The following NQO2 variants were observed in gnomAD, a reference collection of about 807,000 sequenced individuals.
NQO2 encodes N-ribosyldihydronicotinamide:quinone dehydrogenase 2.
In NQO2, 18 loss-of-function variants were observed where a neutral mutation model predicts 22.0. The ratio of observed to expected loss-of-function variants is 0.82; its 90% CI spans 0.56 to 1.21. The LOEUF (loss-of-function observed/expected upper bound fraction) is 1.21, where lower values mean the gene tolerates loss of function less well. Among genes scored for constraint, NQO2 ranks in the 50% most tolerant of loss-of-function variants. The pLI, the probability that NQO2 is intolerant of heterozygous loss-of-function variation, is 0.00. For missense variants in NQO2, 267 were observed against 286.9 expected (o/e 0.93, Z 0.50); for synonymous variants, 106 against 110.8 (o/e 0.96, Z 0.28).
chr6:3,017,026 GCACA>G, intron 6 of NQO2, 41 bp downstream of exon 6: 1 of 1,601,756 alleles, frequency 6.2e-7, no homozygotes, highest in South Asian at 1.1e-5. Context: ...GTTGGCACAC[GCACA>G]CACAGACACA....
rs1757299874 is a variant in NQO2 at position 3,015,625 on chromosome 6, C to T, written c.399C>T (p.Tyr133=). The change falls in exon 5 of 7, where the codon TAC becomes TAT. Residue 133 remains tyrosine (Y), a synonymous_variant. Transcript: ENST00000380455. The stretch of plus-strand genomic sequence containing the variant: ...TTGCCTTTGACATCCCAGGATTCTA[C>T]GATTCCGGTTTGCTCCAGGTATGTG... ...QGFAFDIPGF[Y]DSGLLQGKLA... is the part of the protein sequence containing the mutation. The T allele has an allele frequency of 1.9e-6, 3 of 1,614,114 alleles. No homozygotes were observed. Among genetic ancestry groups the T allele is most frequent in the Non-Finnish European group, 1.7e-6 (2 of 1,180,012 alleles).
In NQO2 at chr6:3,012,640, A is replaced by T. The variant is rs780529734; in HGVS notation, c.269A>T (p.Lys90Ile). 1 of 1,614,064 alleles carries T rather than the reference A, an allele frequency of 6.2e-7. No individual in the cohort carries two copies. The highest frequency in any genetic ancestry group is 1.1e-5 in the South Asian group (1 of 91,044). The change falls in exon 4 of 7, where the codon AAA (lysine) becomes ATA (isoleucine). Residue 90 changes from lysine to isoleucine, a missense_variant. Physicochemically the swap from Lys to Ile is moderately radical, Grantham distance 102 (BLOSUM62 -3). Coordinates refer to ENST00000380455, the MANE Select transcript of NQO2 (RefSeq NM_000904.6). ...SLASDITDEQKKVREADLVIF... is the reference protein window; with the variant it reads ...SLASDITDEQIKVREADLVIF... ...GCTAGCGACATCACTGATGAGCAGA[A>T]AAAGGTTCGGGAGGCTGACCTAGTG...
At chr6:3,010,513 T>C (rs56277039) in intron 3 of NQO2, among the ~76,000 whole-genome samples, 5,035 of 151,978 alleles carry the variant, frequency 0.033, 111 homozygotes, top group Middle Eastern at 0.082. Flanking sequence ...GGTTCTACAC[T>C]GGAAAAGAGA....
chr6:3,016,722 G>A (rs781302475), intron 5 of NQO2, 162 bp from the exon 6 acceptor site: 357 of 982,726 alleles, frequency 3.6e-4, no homozygotes, highest in Non-Finnish European at 4.2e-4. Flanking sequence ...CTCTTGGGAT[G>A]TCATTGTCAC....
In NQO2 at chr6:3,010,114, C is replaced by A; in HGVS notation, c.97C>A (p.Gln33Lys). 6.2e-7 allele frequency: 1 copy of A among 1,613,968 alleles called. No homozygotes were observed. Among genetic ancestry groups the A allele is most frequent in the Non-Finnish European group, 8.5e-7 (1 of 1,179,920 alleles). The part of the protein sequence containing the change: ...KNVAVDELSR[Q>K]GCTVTVSDLY... ...TGTGGCTGTAGATGAACTGAGCAGG[C>A]AGGGCTGCACCGTCACAGTGTCTGA... Residue 33 changes from glutamine to lysine, a missense_variant, in exon 3 of 7, where the codon CAG becomes AAG. Gln to Lys is a moderately conservative substitution (Grantham distance 53). Coordinates refer to ENST00000380455, the MANE Select transcript of NQO2 (RefSeq NM_000904.6).
At chr6:3,005,903 T>G in intron 1 of NQO2, 1 of 746,168 alleles carries the variant, frequency 1.3e-6, no homozygotes, top group Non-Finnish European at 1.6e-6. Context: ...AGCTGGAAAT[T>G]GCACCAAGTC....
Position 3,006,361 on chromosome 6 carries a change from T to C in NQO2, c.-85-107T>C. ...TGGCCTCTCTTGAGAGGTCTTTCTC[T>C]GATGTGTTTGCGTGTCTGTCAGGAA... is the stretch of plus-strand genomic sequence containing the variant. On this transcript the variant is annotated intron_variant, in intron 1 of 6. Transcript: ENST00000380455. The surrounding 1 kb of genome is among the most constrained non-coding windows in gnomAD (Gnocchi z 4.0). The C allele has an allele frequency of 7.1e-7, 1 of 1,413,088 alleles. No individual in the cohort carries two copies. The highest frequency in any genetic ancestry group is 9.2e-7 in the Non-Finnish European group (1 of 1,082,880). 87.5% of individuals were successfully genotyped at this position (1,413,088 alleles called of 1,614,324 possible).
In NQO2 at chr6:3,010,031, A is replaced by G; in HGVS notation, c.14A>G (p.Lys5Arg). ...GTTTCTTATCCTGATTTAGGTAAGA[A>G]AGTACTCATTGTCTATGCACACCAG... MAGK[K>R]VLIVYAHQEP... The change falls in exon 3 of 7, where the codon AAA (lysine) becomes AGA (arginine). Residue 5 changes from lysine (K) to arginine (R), a missense_variant. Transcript: ENST00000380455. 1 of 1,611,448 alleles carries G rather than the reference A, an allele frequency of 6.2e-7. No homozygotes were observed. Among genetic ancestry groups the G allele is most frequent in the Non-Finnish European group, 8.5e-7 (1 of 1,179,076 alleles).
At chr6:3,005,690 A>G (rs1756926993) in intron 1 of NQO2, 1 of 985,194 alleles carries the variant, frequency 1.0e-6, no homozygotes, top group Non-Finnish European at 1.2e-6. Flanking sequence ...CCAGAATTTC[A>G]GAGATGGCCA....
At chr6:3,019,097 C>G (rs943634198) in intron 6 of NQO2, among the ~76,000 whole-genome samples, 4 of 152,068 alleles carry the variant, frequency 2.6e-5, no homozygotes, top group Non-Finnish European at 5.9e-5. Flanking sequence ...TAACAGATAT[C>G]TTGAACAAAC....
At chr6:3,002,501 T>C (rs532989199) in intron 1 of NQO2, among the ~76,000 whole-genome samples, 26 of 152,166 alleles carry the variant, frequency 1.7e-4, no homozygotes, top group Non-Finnish European at 2.5e-4. Context: ...GTAGAGATGG[T>C]GTTTTGCCAC....
chr6:3,012,134 A>G (rs1444955301), intron 3 of NQO2, among the ~76,000 whole-genome samples: 1 of 152,218 alleles, frequency 6.6e-6, no homozygotes, highest in Admixed American at 6.5e-5. Flanking sequence ...TAAGCAATAT[A>G]AAATATGTAA....
chr6:3,000,511 C>T (rs539075108), intron 1 of NQO2: 1 of 152,028 alleles, frequency 6.6e-6, no homozygotes, highest in East Asian at 1.9e-4. Flanking sequence ...GCTTCTCTAA[C>T]CTATAATCTC....
chr6:3,003,967 CT>C (rs1364078377), intron 1 of NQO2, among the ~76,000 whole-genome samples: 1 of 151,454 alleles, frequency 6.6e-6, no homozygotes, highest in Admixed American at 6.6e-5. Flanking sequence ...ATCCAGGTTC[CT>C]TTGGTATTTC....
chr6:3,004,742 C>T (rs1332261227), intron 1 of NQO2: 2 of 616,240 alleles, frequency 3.2e-6, no homozygotes, highest in Admixed American at 6.3e-5. Flanking sequence ...TTGGACACAA[C>T]ATGCGCGATG....
rs554212022 is a variant in NQO2, at chr6:3,000,956, C to G, written c.-86+871C>G. ...CTTCCAGGTTCAAGCGATTCTCCCC[C>G]CTCAGCCCCTTGAGTAGCTGGGATT... On this transcript the variant is annotated intron_variant, in intron 1 of 6. Transcript: ENST00000380455. Among the ~76,000 whole-genome samples, 60 of 152,274 alleles carry G rather than the reference C, an allele frequency of 3.9e-4. 1 individual carries two copies. Among genetic ancestry groups the G allele is most frequent in the African/African-American group, 1.4e-3 (58 of 41,550 alleles).
chr6:3,009,961 T>C (rs2113447705), intron 2 of NQO2, 64 bp from the exon 3 acceptor site: 2 of 1,534,184 alleles, frequency 1.3e-6, no homozygotes, highest in South Asian at 2.5e-5. Context: ...TTCATCTTAG[T>C]CTTCATTGAA....
At chr6:3,000,855 T>C (rs1434671840) in intron 1 of NQO2, among the ~76,000 whole-genome samples, 2 of 151,364 alleles carry the variant, frequency 1.3e-5, no homozygotes, top group African/African-American at 2.4e-5. Flanking sequence ...CTTTTTTCTT[T>C]TTTTTTTAGA....
intron 2 of NQO2, among the ~76,000 whole-genome samples, chr6:3,007,909 T>C (rs1017704369): frequency 2.6e-5 from 4 of 152,264 alleles, no homozygotes; most frequent in African/African-American, 9.6e-5. Flanking sequence ...AGGGTTAGCA[T>C]GGAAGACTAA....
Sources: allele counts gnomAD v4.1 joint callset (sites outside exome capture counted in the v4.1 genomes callset), GRCh38; gene constraint gnomAD v4.1.1; non-coding constraint Gnocchi (gnomAD v3.1); transcripts MANE v1.5; gene names NCBI Gene and HGNC (gene_info 2026-07-23, HGNC 2026-07-21).